The following PABPC4L variants were observed in gnomAD, a reference collection of about 807,000 sequenced individuals.
PABPC4L encodes poly(A) binding protein cytoplasmic 4 like.
For synonymous variants in PABPC4L, 169 were observed against 164.1 expected (o/e 1.03, Z -0.23); for missense variants, 452 against 451.4 (o/e 1.00, Z -0.01).
the PABPC4L span, among the ~76,000 whole-genome samples, chr4:133,991,625 G>A: frequency 2.6e-4 from 39 of 152,266 alleles, no homozygotes; most frequent in African/African-American, 7.5e-4. Context: ...AACACTACCA[G>A]TTGCCAAGAT....
the PABPC4L span, among the ~76,000 whole-genome samples, chr4:134,018,372 T>C: frequency 6.6e-6 from 1 of 152,168 alleles, no homozygotes; most frequent in Non-Finnish European, 1.5e-5. Context: ...TTCACACTGA[T>C]GCGCATGAAA....
intron 1 of PABPC4L, among the ~76,000 whole-genome samples, chr4:134,201,446 G>C (rs1729881114): frequency 6.6e-6 from 1 of 152,136 alleles, no homozygotes; most frequent in South Asian, 2.1e-4. Flanking sequence ...AAGCGGAGGC[G>C]TCAGAGGCCC....
At chr4:134,132,331 T>A in the PABPC4L span, among the ~76,000 whole-genome samples, 2 of 151,702 alleles carry the variant, frequency 1.3e-5, no homozygotes, top group Non-Finnish European at 2.9e-5. Context: ...AAGATTAATA[T>A]CCAGAATCTA....
At chr4:133,996,886 C>T in the PABPC4L span, among the ~76,000 whole-genome samples, 1 of 152,156 alleles carries the variant, frequency 6.6e-6, no homozygotes, top group African/African-American at 2.4e-5. Flanking sequence ...TAGTAGAGAG[C>T]AGTCCTGCAG....
chr4:134,175,378 C>T, the PABPC4L span, among the ~76,000 whole-genome samples: 5 of 151,208 alleles, frequency 3.3e-5, no homozygotes, highest in Non-Finnish European at 5.9e-5. Context: ...ATGATGCCAC[C>T]CAAATGATCT....
the PABPC4L span, among the ~76,000 whole-genome samples, chr4:133,967,491 C>A: frequency 6.6e-6 from 1 of 152,054 alleles, no homozygotes; most frequent in Non-Finnish European, 1.5e-5. Context: ...TTAAAGATGT[C>A]CTTTAAATAA....
the PABPC4L span, among the ~76,000 whole-genome samples, chr4:134,131,693 A>G: frequency 0.018 from 2,221 of 125,898 alleles, 58 homozygotes; most frequent in African/African-American, 0.066. Context: ...AGAAAAAACT[A>G]TCCTAAAATT....
chr4:134,130,195 C>G, the PABPC4L span, among the ~76,000 whole-genome samples: 1 of 150,528 alleles, frequency 6.6e-6, no homozygotes. Context: ...AGGATCAGAG[C>G]AGAACTAAAT....
the PABPC4L span, among the ~76,000 whole-genome samples, chr4:134,034,060 C>T: frequency 6.6e-6 from 1 of 151,996 alleles, no homozygotes; most frequent in Admixed American, 6.6e-5. Context: ...CAGATTAACT[C>T]TCTTGTTACG....
chr4:133,981,420 A>T, the PABPC4L span, among the ~76,000 whole-genome samples: 16 of 152,144 alleles, frequency 1.1e-4, no homozygotes, highest in Admixed American at 6.6e-4. Context: ...CCTATATAAT[A>T]ATACATTGAA....
the PABPC4L span, among the ~76,000 whole-genome samples, chr4:134,097,803 T>C: frequency 6.6e-6 from 1 of 151,936 alleles, no homozygotes; most frequent in Middle Eastern, 3.2e-3. Flanking sequence ...TTTATTTGTA[T>C]GTCAGCTTCT....
At chr4:134,075,435 A>C in the PABPC4L span, among the ~76,000 whole-genome samples, 1 of 152,310 alleles carries the variant, frequency 6.6e-6, no homozygotes, top group South Asian at 2.1e-4. Flanking sequence ...ATTAATTAAT[A>C]ATGCATTCAG....
At chr4:134,107,879 C>T in the PABPC4L span, among the ~76,000 whole-genome samples, 1 of 151,300 alleles carries the variant, frequency 6.6e-6, no homozygotes, top group African/African-American at 2.4e-5. Flanking sequence ...ACACCTAATG[C>T]TTTTTAAATT....
At chr4:134,190,844 G>T in the PABPC4L span, among the ~76,000 whole-genome samples, 1 of 152,000 alleles carries the variant, frequency 6.6e-6, no homozygotes, top group East Asian at 1.9e-4. Context: ...TAGAGATGGG[G>T]CTTCTCCACA....
At chr4:134,103,537 T>C in the PABPC4L span, among the ~76,000 whole-genome samples, 1 of 151,624 alleles carries the variant, frequency 6.6e-6, no homozygotes, top group African/African-American at 2.4e-5. Flanking sequence ...ATGCCAATCA[T>C]ATTGATTAGG....
At chr4:133,961,346 A>G in the PABPC4L span, among the ~76,000 whole-genome samples, 62 of 151,396 alleles carry the variant, frequency 4.1e-4, no homozygotes, top group African/African-American at 1.5e-3. Context: ...AGTGAGAGAC[A>G]GGACTAGCTG....
the PABPC4L span, among the ~76,000 whole-genome samples, chr4:134,076,703 T>A: frequency 2.0e-5 from 3 of 152,048 alleles, no homozygotes; most frequent in Non-Finnish European, 4.4e-5. Flanking sequence ...TATCCAAGAT[T>A]TGTCAGGTAA....
chr4:134,081,934 A>G, the PABPC4L span, among the ~76,000 whole-genome samples: 1 of 152,104 alleles, frequency 6.6e-6, no homozygotes, highest in Non-Finnish European at 1.5e-5. Flanking sequence ...ACTTAATAAT[A>G]ATAGAAGAGT....
chr4:134,200,126 C>T lies in PABPC4L; in HGVS notation c.894G>A (p.Lys298=). Residue 298 remains lysine (K), a synonymous_variant, in exon 2 of 2, where the codon AAG becomes AAA. Coordinates refer to ENST00000421491, the MANE Select transcript of PABPC4L (RefSeq NM_001114734.2). Reference sequence around the variant, plus strand: ...CATCATCGATGGTGTCATCAAGGTTCTTAATATAGAGTTTTACCCCCTGGC... The same window carrying T: ...CATCATCGATGGTGTCATCAAGGTTTTTAATATAGAGTTTTACCCCCTGGC... ...RGCQGVKLYI[K]NLDDTIDDEK... The T allele has an allele frequency of 6.4e-7, 1 of 1,551,650 alleles. No individual in the cohort carries two copies. Among genetic ancestry groups the T allele is most frequent in the Non-Finnish European group, 8.7e-7 (1 of 1,146,970 alleles).
Sources: allele counts gnomAD v4.1 joint callset (sites outside exome capture counted in the v4.1 genomes callset), GRCh38; gene constraint gnomAD v4.1.1; transcripts MANE v1.5; gene names NCBI Gene and HGNC (gene_info 2026-07-23, HGNC 2026-07-21).